Variants in RPH3A observed in about 807,000 individuals in gnomAD.
The protein encoded by RPH3A is rabphilin 3A.
In RPH3A, 48 loss-of-function variants were observed where a neutral mutation model predicts 102.2. That is an observed-to-expected ratio of 0.47 (90% CI 0.37 to 0.60). The LOEUF (loss-of-function observed/expected upper bound fraction) is 0.60, where lower values mean the gene tolerates loss of function less well. Ranked by LOEUF, RPH3A falls within the 20% of genes least tolerant of loss-of-function variation. RPH3A has a pLI of 0.00. For missense variants in RPH3A, 781 were observed against 910.1 expected (o/e 0.86, Z 1.83); for synonymous variants, 310 against 324.3 (o/e 0.96, Z 0.47).
chr12:112,793,558 G>A (rs1029900610), intron 2 of RPH3A, among the ~76,000 whole-genome samples: 2 of 152,234 alleles, frequency 1.3e-5, no homozygotes, highest in Non-Finnish European at 2.9e-5. Flanking sequence ...GAGGAGGGTT[G>A]TCTGGTGGTT....
Position 112,875,149 on chromosome 12 carries a change from C to A in RPH3A, c.862C>A (p.Pro288Thr). 6.2e-7 allele frequency: 1 copy of A among 1,605,852 alleles called. No individual in the cohort carries two copies. The highest frequency in any genetic ancestry group is 8.5e-7 in the Non-Finnish European group (1 of 1,176,626). Residue 288 changes from proline to threonine, a missense_variant, in exon 11 of 22, where the codon CCA (proline) becomes ACA (threonine). Around this residue, in one of 2 missense-constraint regions of RPH3A, gnomAD observed 730 missense variants for 810.0 expected, o/e 0.90. Coordinates refer to ENST00000389385, the MANE Select transcript of RPH3A (RefSeq NM_001143854.2). ...PAPGSVQSPA[P>T]PQPGQPGTPG... is the part of the protein sequence containing the mutation. ...CCCAGGCTCGGTGCAGAGCCCAGCG[C>A]CACCTCAGCCTGGGCAGCCAGGTAC...
At chr12:112,852,336 G>C (rs2042336374) in intron 5 of RPH3A, among the ~76,000 whole-genome samples, 1 of 152,202 alleles carries the variant, frequency 6.6e-6, no homozygotes, top group Non-Finnish European at 1.5e-5. Context: ...ACAGGAAATA[G>C]ATCCTATCTC....
intron 1 of RPH3A, among the ~76,000 whole-genome samples, chr12:112,666,981 G>A (rs1335453144): frequency 6.6e-6 from 1 of 152,026 alleles, no homozygotes; most frequent in Admixed American, 6.6e-5. Flanking sequence ...GGCTTCCAAG[G>A]CTCTTAAAAT....
chr12:112,747,845 C>T (rs1020863777), intron 1 of RPH3A, among the ~76,000 whole-genome samples: 1 of 152,180 alleles, frequency 6.6e-6, no homozygotes, highest in African/African-American at 2.4e-5. Flanking sequence ...AACAAGTGGT[C>T]CTTACAGTTA....
chr12:112,799,696 C>T (rs1203829535), intron 2 of RPH3A, among the ~76,000 whole-genome samples: 1 of 152,174 alleles, frequency 6.6e-6, no homozygotes, highest in Non-Finnish European at 1.5e-5. Context: ...TTCCCTAACC[C>T]CTGTCCCTGA....
chr12:112,593,236 G>C (rs1005374425), intron 1 of RPH3A, among the ~76,000 whole-genome samples: 1 of 152,206 alleles, frequency 6.6e-6, no homozygotes, highest in Non-Finnish European at 1.5e-5. Context: ...AACCCAATCT[G>C]CTGGTACCTT....
At chr12:112,685,215 G>C (rs1166700848) in intron 1 of RPH3A, among the ~76,000 whole-genome samples, 1 of 152,194 alleles carries the variant, frequency 6.6e-6, no homozygotes, top group Non-Finnish European at 1.5e-5. Context: ...GGGATTACAG[G>C]CATAAGCCAT....
chr12:112,661,417 C>G (rs2040047857), intron 1 of RPH3A, among the ~76,000 whole-genome samples: 1 of 152,182 alleles, frequency 6.6e-6, no homozygotes, highest in Non-Finnish European at 1.5e-5. Context: ...CCCCTGCTTT[C>G]TTAGGCAGGT....
intron 1 of RPH3A, among the ~76,000 whole-genome samples, chr12:112,782,000 G>A (rs2041012678): frequency 6.6e-6 from 1 of 152,262 alleles, no homozygotes; most frequent in Non-Finnish European, 1.5e-5. Flanking sequence ...TGGGGATCAT[G>A]ATGGAAGGAT....
chr12:112,727,870 C>A (rs1269246238), intron 1 of RPH3A, among the ~76,000 whole-genome samples: 1 of 152,176 alleles, frequency 6.6e-6, no homozygotes, highest in African/African-American at 2.4e-5. Flanking sequence ...AGAATGTCTT[C>A]ACTGATTTAG....
chr12:112,699,669 C>T (rs2040378571), intron 1 of RPH3A, among the ~76,000 whole-genome samples: 1 of 152,162 alleles, frequency 6.6e-6, no homozygotes, highest in Admixed American at 6.5e-5. Context: ...GATAGAAACA[C>T]GTTCTCTTTC....
chr12:112,590,805 T>TA (rs199604869), intron 1 of RPH3A, among the ~76,000 whole-genome samples: 2 of 152,064 alleles, frequency 1.3e-5, no homozygotes, highest in African/African-American at 2.4e-5. Context: ...GGAGCACCTT[T>TA]AAAAAAAATT....
intron 1 of RPH3A, among the ~76,000 whole-genome samples, chr12:112,723,426 A>G (rs1171222333): frequency 2.0e-5 from 3 of 152,254 alleles, no homozygotes; most frequent in East Asian, 1.9e-4. Context: ...GTAAGTTTAC[A>G]TAGTCTGTTT....
chr12:112,657,905 T>G (rs2040023886), intron 1 of RPH3A, among the ~76,000 whole-genome samples: 1 of 152,056 alleles, frequency 6.6e-6, no homozygotes. Flanking sequence ...GGGAGTTGAC[T>G]GTGTGGATAA....
At chr12:112,894,935 G>A (rs2043155085) in intron 20 of RPH3A, among the ~76,000 whole-genome samples, 1 of 152,092 alleles carries the variant, frequency 6.6e-6, no homozygotes, top group Admixed American at 6.5e-5. Context: ...GTGGGGGAAT[G>A]TTGACATGGT....
chr12:112,765,128 A>G (rs2040879239), intron 1 of RPH3A, among the ~76,000 whole-genome samples: 1 of 151,490 alleles, frequency 6.6e-6, no homozygotes, highest in South Asian at 2.1e-4. Flanking sequence ...TTCATCAAAC[A>G]CTCCTGCTGC....
chr12:112,577,100 GT>G (rs963391736), intron 1 of RPH3A, among the ~76,000 whole-genome samples: 1 of 151,752 alleles, frequency 6.6e-6, no homozygotes, highest in Non-Finnish European at 1.5e-5. Context: ...CCAAGAGAGG[GT>G]CCTTGGATCT....
intron 2 of RPH3A, among the ~76,000 whole-genome samples, chr12:112,817,985 T>C (rs983299015): frequency 6.6e-6 from 1 of 152,204 alleles, no homozygotes; most frequent in Non-Finnish European, 1.5e-5. Flanking sequence ...AGGAATTTGA[T>C]TCAAATTGGA....
At chr12:112,725,750 G>A (rs1198231832) in intron 1 of RPH3A, among the ~76,000 whole-genome samples, 1 of 143,908 alleles carries the variant, frequency 6.9e-6, no homozygotes, top group Non-Finnish European at 1.5e-5. Context: ...TATATTTAGG[G>A]AAGATGAGTG....
Sources: gnomAD v4.1 joint callset for allele counts (sites outside exome capture counted in the v4.1 genomes callset) on GRCh38, gnomAD v4.1.1 for gene constraint, gnomAD v4.1.1 regional missense constraint, MANE v1.5 for transcripts, NCBI Gene and HGNC (gene_info 2026-07-23, HGNC 2026-07-21) for gene names.